Variants in AP3B1 observed in about 807,000 individuals in gnomAD.
The protein encoded by AP3B1 is AP-3 complex subunit beta-1.
Under a neutral mutation model 132.5 loss-of-function variants are expected in AP3B1, and 61 were observed. The ratio of observed to expected loss-of-function variants is 0.46; its 90% CI spans 0.37 to 0.57. The LOEUF (loss-of-function observed/expected upper bound fraction) is 0.57, where lower values mean the gene tolerates loss of function less well. AP3B1 is among the 20% of genes least tolerant of loss of function. The pLI is 0.00. For synonymous variants in AP3B1, 388 were observed against 438.3 expected, an observed-to-expected ratio of 0.89 and a Z score of 1.43; for missense variants, 1,120 against 1,289.4, an observed-to-expected ratio of 0.87 and a Z score of 2.01.
chr5:78,223,665 T>C (rs2112488746), intron 6 of AP3B1, among the ~76,000 whole-genome samples: 1 of 152,346 alleles, frequency 6.6e-6, no homozygotes, highest in Admixed American at 6.5e-5. Flanking sequence ...ACATCCCATG[T>C]GGTGTTAGGC....
chr5:78,226,660 T>C (rs1027133929), intron 5 of AP3B1, among the ~76,000 whole-genome samples: 3 of 152,096 alleles, frequency 2.0e-5, no homozygotes, highest in African/African-American at 7.2e-5. Context: ...ACTGTTTTCA[T>C]ACATCTAAAT....
At chr5:78,058,360 C>T (rs1469732578) in intron 22 of AP3B1, among the ~76,000 whole-genome samples, 1 of 152,000 alleles carries the variant, frequency 6.6e-6, no homozygotes, top group African/African-American at 2.4e-5. Context: ...ATTAGCCAGG[C>T]GTGGTGGCAG....
chr5:78,197,588 G>A (rs1184566645), intron 7 of AP3B1, among the ~76,000 whole-genome samples: 1 of 152,098 alleles, frequency 6.6e-6, no homozygotes, highest in African/African-American at 2.4e-5. Context: ...ACAATTTTGG[G>A]TGCTGAGGGT....
intron 20 of AP3B1, among the ~76,000 whole-genome samples, chr5:78,108,362 T>C (rs1224947611): frequency 6.6e-6 from 1 of 152,216 alleles, no homozygotes; most frequent in Non-Finnish European, 1.5e-5. Context: ...AAAATAGGTA[T>C]ATTCTGTAAT....
intron 13 of AP3B1, among the ~76,000 whole-genome samples, chr5:78,157,765 T>TC (rs901741270): frequency 9.2e-5 from 14 of 152,104 alleles, no homozygotes; most frequent in Admixed American, 9.2e-4. Flanking sequence ...ACTCTTTTTT[T>TC]TTGAGACAGA....
At chr5:78,079,916 A>T (rs1437083546) in intron 22 of AP3B1, among the ~76,000 whole-genome samples, 1 of 152,204 alleles carries the variant, frequency 6.6e-6, no homozygotes, top group Non-Finnish European at 1.5e-5. Context: ...ATGGTTTTAA[A>T]CATTTTCCAC....
At chr5:78,157,883 G>GT (rs1743218583) in intron 13 of AP3B1, among the ~76,000 whole-genome samples, 1 of 151,986 alleles carries the variant, frequency 6.6e-6, no homozygotes, top group East Asian at 1.9e-4. Context: ...CTGAGTAGCT[G>GT]GGATTTACAG....
chr5:78,250,151 T>C (rs941376903), intron 2 of AP3B1, among the ~76,000 whole-genome samples: 1 of 152,162 alleles, frequency 6.6e-6, no homozygotes, highest in Admixed American at 6.5e-5. Context: ...ACTACTTAAC[T>C]ATCAGACAGG....
intron 26 of AP3B1, among the ~76,000 whole-genome samples, chr5:78,009,310 A>G (rs889471048): frequency 6.6e-6 from 1 of 151,206 alleles, no homozygotes; most frequent in Non-Finnish European, 1.5e-5. Context: ...AAAAAAAAAA[A>G]TTAGCTGGGC....
intron 2 of AP3B1, among the ~76,000 whole-genome samples, chr5:78,263,310 T>C (rs1748179139): frequency 6.6e-6 from 1 of 152,356 alleles, no homozygotes; most frequent in African/African-American, 2.4e-5. Context: ...AAATTGTTCA[T>C]TGTTAATGTG....
chr5:78,220,823 G>C lies in AP3B1; in HGVS notation c.604-4586C>G, dbSNP rs1225154533. Among the ~76,000 whole-genome samples, 3 of 152,300 alleles carry C rather than the reference G, an allele frequency of 2.0e-5. No homozygotes were observed. In the South Asian group the frequency reaches 6.2e-4, roughly 32 times the overall value. On this transcript the variant is annotated intron_variant, in intron 6 of 26. Coordinates refer to ENST00000255194, the MANE Select transcript of AP3B1 (RefSeq NM_003664.5). Reference sequence around the variant, plus strand: ...CCAATACTTTGCAAGACCAAAGCGAGATCACTTGAGCCCAGGAGTTCATGA... The same window carrying C: ...CCAATACTTTGCAAGACCAAAGCGACATCACTTGAGCCCAGGAGTTCATGA...
intron 22 of AP3B1, among the ~76,000 whole-genome samples, chr5:78,063,875 A>T (rs767574913): frequency 1.5e-4 from 23 of 152,132 alleles, no homozygotes; most frequent in South Asian, 8.3e-4. Context: ...AATTTTTTTT[A>T]AAAATGATAA....
rs1056281695 is a variant in AP3B1, at chr5:78,039,265, G to A, written c.2587C>T (p.Pro863Ser). The A allele has an allele frequency of 6.2e-7, 1 of 1,613,724 alleles. No individual in the cohort carries two copies. The highest frequency in any genetic ancestry group is 2.2e-5 in the East Asian group (1 of 44,870). The change falls in exon 23 of 27, where the codon CCT becomes TCT. Residue 863 changes from proline (P) to serine (S), a missense_variant. Pro to Ser is a moderately conservative substitution (Grantham distance 74). Coordinates refer to ENST00000255194, the MANE Select transcript of AP3B1 (RefSeq NM_003664.5). ...TGAGTTTTCGTTGGTACAAATGCAGGAGTACTGACCTATTACACACGGCAA... is the reference window on the plus strand; with the variant it reads ...TGAGTTTTCGTTGGTACAAATGCAGAAGTACTGACCTATTACACACGGCAA... ...TSSSVISVSTPAFVPTKTHVL... is the reference protein window; with the variant it reads ...TSSSVISVSTSAFVPTKTHVL...
At chr5:78,285,976 G>A (rs1561222262) in intron 1 of AP3B1, among the ~76,000 whole-genome samples, 1 of 152,080 alleles carries the variant, frequency 6.6e-6, no homozygotes, top group Non-Finnish European at 1.5e-5. Flanking sequence ...TCCCTTTAAA[G>A]GGTAAACAAT....
At chr5:78,175,574 T>C in intron 11 of AP3B1, 52 bp downstream of exon 11, 2 of 1,411,058 alleles carry the variant, frequency 1.4e-6, no homozygotes, top group Non-Finnish European at 2.0e-6. Flanking sequence ...TATAGAAATA[T>C]CTCTTCAAAA....
chr5:78,139,145 T>C (rs576399465), intron 15 of AP3B1, among the ~76,000 whole-genome samples: 76 of 152,118 alleles, frequency 5.0e-4, no homozygotes, highest in African/African-American at 1.7e-3. Context: ...CATTATTGGT[T>C]ATTCACAGCT....
intron 22 of AP3B1, among the ~76,000 whole-genome samples, chr5:78,057,289 C>T (rs546159237): frequency 6.6e-6 from 1 of 152,280 alleles, no homozygotes; most frequent in East Asian, 1.9e-4. Flanking sequence ...CTGTTCCTCT[C>T]ATTTTAGTTT....
At chr5:78,037,936 A>G (rs539005490) in intron 23 of AP3B1, among the ~76,000 whole-genome samples, 1 of 152,372 alleles carries the variant, frequency 6.6e-6, no homozygotes, top group South Asian at 2.1e-4. Context: ...TTCAAATTTC[A>G]AAGTAAGACA....
chr5:78,219,706 T>C (rs993374160), intron 6 of AP3B1, among the ~76,000 whole-genome samples: 2 of 152,086 alleles, frequency 1.3e-5, no homozygotes, highest in African/African-American at 2.4e-5. Flanking sequence ...TATTTTAATA[T>C]ATTTATAATT....
Sources: allele counts gnomAD v4.1 joint callset (sites outside exome capture counted in the v4.1 genomes callset), GRCh38; gene constraint gnomAD v4.1.1; transcripts MANE v1.5; gene names NCBI Gene and HGNC (gene_info 2026-07-23, HGNC 2026-07-21).